Variants in CDH2 observed in about 807,000 individuals in gnomAD.
CDH2 encodes the protein cadherin 2.
A neutral mutation model predicts 92.0 loss-of-function variants in CDH2; 17 were observed. The ratio of observed to expected loss-of-function variants is 0.18; its 90% CI spans 0.13 to 0.28. The LOEUF is 0.28. Ranked by LOEUF, CDH2 falls within the 10% of genes least tolerant of loss-of-function variation. The pLI is 1.00. For missense variants in CDH2, 862 were observed against 1,133.1 expected (o/e 0.76, Z 3.44); for synonymous variants, 419 against 415.9 (o/e 1.01, Z -0.09).
intron 2 of CDH2, among the ~76,000 whole-genome samples, chr18:28,050,747 C>T (rs1164731074): frequency 2.6e-5 from 4 of 152,196 alleles, no homozygotes; most frequent in African/African-American, 9.7e-5. Context: ...TTCCCACCCC[C>T]AGATGGTCCA....
At chr18:28,018,370 T>C (rs1283283134) in intron 2 of CDH2, among the ~76,000 whole-genome samples, 2 of 152,024 alleles carry the variant, frequency 1.3e-5, no homozygotes, top group African/African-American at 4.8e-5. Context: ...CCATTATTCT[T>C]CACAGAACTG....
intron 2 of CDH2, among the ~76,000 whole-genome samples, chr18:28,094,127 C>G (rs1205016949): frequency 2.0e-5 from 3 of 152,040 alleles, no homozygotes; most frequent in Admixed American, 1.3e-4. Context: ...TAAAAGAAAC[C>G]CCAGTTAGCC....
intron 15 of CDH2, among the ~76,000 whole-genome samples, chr18:27,961,957 A>T (rs960688536): frequency 1.3e-5 from 2 of 151,630 alleles, no homozygotes; most frequent in African/African-American, 2.4e-5. Flanking sequence ...AAAAAAAATT[A>T]AAAAAAAATT....
At chr18:27,976,552 A>T (rs930274331) in intron 14 of CDH2, among the ~76,000 whole-genome samples, 8 of 152,204 alleles carry the variant, frequency 5.3e-5, no homozygotes, top group African/African-American at 1.9e-4. Context: ...TATGATAGAC[A>T]CCATTTTCTT....
intron 2 of CDH2, among the ~76,000 whole-genome samples, chr18:28,100,526 C>T (rs2015209996): frequency 7.2e-6 from 1 of 138,724 alleles, no homozygotes; most frequent in African/African-American, 3.5e-5. Flanking sequence ...TGAGCTAATT[C>T]CTTAGAAAGA....
At chr18:28,096,579 T>A (rs2015139152) in intron 2 of CDH2, among the ~76,000 whole-genome samples, 1 of 151,914 alleles carries the variant, frequency 6.6e-6, no homozygotes, top group Non-Finnish European at 1.5e-5. Flanking sequence ...CCACAAGAAA[T>A]AAAAAAGCTA....
At chr18:27,968,971 A>G (rs972781457) in intron 14 of CDH2, among the ~76,000 whole-genome samples, 1 of 152,206 alleles carries the variant, frequency 6.6e-6, no homozygotes, top group Non-Finnish European at 1.5e-5. Context: ...ATTGAATAAA[A>G]TAGTGATAAG....
At chr18:28,045,196 A>G (rs140542713) in intron 2 of CDH2, among the ~76,000 whole-genome samples, 1 of 152,250 alleles carries the variant, frequency 6.6e-6, no homozygotes, top group East Asian at 1.9e-4. Context: ...CTCTAAGGAT[A>G]AAGGTTATAT....
At chr18:27,976,109 G>A (rs918027218) in intron 14 of CDH2, among the ~76,000 whole-genome samples, 3 of 152,128 alleles carry the variant, frequency 2.0e-5, no homozygotes, top group Non-Finnish European at 2.9e-5. Context: ...GAGAGAGCAG[G>A]CAAACAGGGA....
intron 6 of CDH2, among the ~76,000 whole-genome samples, chr18:27,939,557 A>T (rs1909090011): frequency 6.6e-6 from 1 of 152,066 alleles, no homozygotes; most frequent in South Asian, 2.1e-4. Flanking sequence ...CACTGCTTTC[A>T]TTCACCTCCA....
At chr18:27,993,258 T>A (rs1328838794) in intron 8 of CDH2, among the ~76,000 whole-genome samples, 1 of 152,202 alleles carries the variant, frequency 6.6e-6, no homozygotes, top group Non-Finnish European at 1.5e-5. Flanking sequence ...ACAGTCTTTT[T>A]AGGACGTGTT....
chr18:28,010,691 A>T (rs1325435272), intron 4 of CDH2, among the ~76,000 whole-genome samples: 1 of 147,884 alleles, frequency 6.8e-6, no homozygotes, highest in African/African-American at 2.5e-5. Flanking sequence ...GCGGGGGGGG[A>T]AGGAGTCTCA....
At chr18:27,964,811 A>C (rs1450516472) in intron 14 of CDH2, among the ~76,000 whole-genome samples, 1 of 152,240 alleles carries the variant, frequency 6.6e-6, no homozygotes, top group Non-Finnish European at 1.5e-5. Flanking sequence ...TTCTGACTCC[A>C]AGTGTATTAG....
intron 6 of CDH2, among the ~76,000 whole-genome samples, chr18:27,934,163 C>T (rs886250562): frequency 3.3e-5 from 5 of 152,172 alleles, no homozygotes; most frequent in African/African-American, 1.2e-4. Context: ...ATCAGTTGTG[C>T]TGAAGCACAC....
intron 2 of CDH2, chr18:28,036,385 C>T (rs999120265): frequency 5.2e-6 from 4 of 763,882 alleles, no homozygotes; most frequent in Non-Finnish European, 9.4e-6. Flanking sequence ...GTACTTTGTA[C>T]ATAAGTCTTC....
At chr18:27,962,430 G>A (rs556650174) in intron 15 of CDH2, among the ~76,000 whole-genome samples, 4 of 152,152 alleles carry the variant, frequency 2.6e-5, no homozygotes, top group Admixed American at 6.5e-5. Flanking sequence ...AAAACCTAAT[G>A]TAGATTATGT....
chr18:27,960,472 T>C (rs903415164), intron 15 of CDH2, among the ~76,000 whole-genome samples: 1 of 152,136 alleles, frequency 6.6e-6, no homozygotes, highest in Non-Finnish European at 1.5e-5. Flanking sequence ...TGCTGGGTGG[T>C]GAGGGCCTTG....
At chr18:27,942,362 G>T (rs901747485) in intron 6 of CDH2, among the ~76,000 whole-genome samples, 29 of 152,168 alleles carry the variant, frequency 1.9e-4, no homozygotes, top group Non-Finnish European at 2.9e-5. Context: ...CCTAATAATA[G>T]ATAACAATAG....
intron 1 of CDH2, among the ~76,000 whole-genome samples, chr18:28,174,949 T>C (rs2016515510): frequency 6.6e-6 from 1 of 152,204 alleles, no homozygotes; most frequent in Non-Finnish European, 1.5e-5. Context: ...AAAAAATGTA[T>C]CACATCTCCT....
Sources: gnomAD v4.1 joint callset for allele counts (sites outside exome capture counted in the v4.1 genomes callset) on GRCh38, gnomAD v4.1.1 for gene constraint, MANE v1.5 for transcripts, NCBI Gene and HGNC (gene_info 2026-07-23, HGNC 2026-07-21) for gene names.